The following HPSE2 variants were observed in gnomAD, a reference collection of about 807,000 sequenced individuals.
The protein encoded by HPSE2 is heparanase 2 (inactive), also known as inactive heparanase-2.
HPSE2 carries 38 observed loss-of-function variants against 60.5 expected under a neutral mutation model. The ratio of observed to expected loss-of-function variants is 0.63; its 90% CI spans 0.48 to 0.82. The LOEUF (loss-of-function observed/expected upper bound fraction) is 0.82, where lower values mean the gene tolerates loss of function less well. Among genes scored for constraint, HPSE2 ranks in the 40% least tolerant of loss-of-function variants. The probability of loss-of-function intolerance (pLI) is 0.00; values close to 1 mark genes in which losing one functional copy is unlikely to be tolerated. For missense variants in HPSE2, 713 were observed against 740.4 expected (o/e 0.96, Z 0.43); for synonymous variants, 295 against 293.2 (o/e 1.01, Z -0.06).
chr10:98,659,698 G>A (rs1012969735), intron 6 of HPSE2, among the ~76,000 whole-genome samples: 3 of 152,068 alleles, frequency 2.0e-5, no homozygotes, highest in African/African-American at 7.2e-5. Flanking sequence ...GAAACCACTG[G>A]GTAACAGTAA....
intron 3 of HPSE2, among the ~76,000 whole-genome samples, chr10:98,845,360 G>A (rs1431934571): frequency 6.6e-6 from 1 of 152,158 alleles, no homozygotes; most frequent in African/African-American, 2.4e-5. Flanking sequence ...TTTGTTACAG[G>A]TGGTTGGTAG....
chr10:98,797,247 CA>C lies in HPSE2; in HGVS notation c.611-53192del, dbSNP rs368836002. 4.5e-4 allele frequency among the ~76,000 whole-genome samples: 69 copies of C among 152,024 alleles called. 1 individual carries two copies. The East Asian group carries it at 5.8e-3, about 13-fold the overall frequency. ...AACTCGAAAGAAATTCAAGGTAACA[CA>C]GAGAAAGAATTCAGAATTTTATCAG... On this transcript the variant is annotated intron_variant, in intron 3 of 11. Transcript: ENST00000370552.
At chr10:98,833,638 G>A (rs1486898134) in intron 3 of HPSE2, among the ~76,000 whole-genome samples, 3 of 152,120 alleles carry the variant, frequency 2.0e-5, no homozygotes, top group African/African-American at 4.8e-5. Context: ...AGACACAGAT[G>A]TTATGCAAGT....
intron 3 of HPSE2, among the ~76,000 whole-genome samples, chr10:98,866,680 T>C (rs916581772): frequency 5.3e-5 from 8 of 152,122 alleles, no homozygotes; most frequent in East Asian, 1.9e-4. Flanking sequence ...CTGGAAACAA[T>C]GCAAGTGAGA....
At chr10:98,861,868 G>A (rs763931108) in intron 3 of HPSE2, among the ~76,000 whole-genome samples, 21 of 152,120 alleles carry the variant, frequency 1.4e-4, no homozygotes, top group Non-Finnish European at 2.9e-4. Flanking sequence ...GGTAAAGAAC[G>A]TGGCAACTGT....
chr10:98,860,757 A>G (rs1407136056), intron 3 of HPSE2, among the ~76,000 whole-genome samples: 2 of 152,166 alleles, frequency 1.3e-5, no homozygotes, highest in Non-Finnish European at 2.9e-5. Context: ...CCTAATTAAA[A>G]TGCCAATTTT....
chr10:98,936,435 C>T (rs1238938784), intron 3 of HPSE2, among the ~76,000 whole-genome samples: 1 of 143,234 alleles, frequency 7.0e-6, no homozygotes, highest in Admixed American at 7.0e-5. Context: ...TGTAGGCTCA[C>T]GAGGGAATCT....
intron 2 of HPSE2, among the ~76,000 whole-genome samples, chr10:99,194,713 A>G (rs1180012104): frequency 6.6e-6 from 1 of 152,114 alleles, no homozygotes; most frequent in East Asian, 1.9e-4. Context: ...AAACCTGAAC[A>G]GACCAATAAT....
intron 3 of HPSE2, among the ~76,000 whole-genome samples, chr10:98,744,560 CA>C (rs369385631): frequency 8.0e-5 from 12 of 150,060 alleles, no homozygotes; most frequent in African/African-American, 2.2e-4. Context: ...ACAAAACAAA[CA>C]AAAAAAAACA....
At chr10:98,515,608 A>T (rs554686599) in intron 9 of HPSE2, among the ~76,000 whole-genome samples, 37 of 152,344 alleles carry the variant, frequency 2.4e-4, no homozygotes, top group African/African-American at 8.9e-4. Context: ...AACCTGAAGG[A>T]TATACATATA....
intron 3 of HPSE2, among the ~76,000 whole-genome samples, chr10:99,080,379 T>C (rs1589623523): frequency 6.6e-6 from 1 of 152,110 alleles, no homozygotes; most frequent in African/African-American, 2.4e-5. Flanking sequence ...GGCTATGGCA[T>C]GTGGGGGAAA....
chr10:98,634,801 A>G (rs117755302), intron 7 of HPSE2, among the ~76,000 whole-genome samples: 1,894 of 152,306 alleles, frequency 0.012, 28 homozygotes, highest in Non-Finnish European at 0.019. Context: ...TGCTCATATG[A>G]CGAACCATAC....
intron 3 of HPSE2, among the ~76,000 whole-genome samples, chr10:98,750,377 G>T (rs540628089): frequency 1.3e-4 from 20 of 152,258 alleles, no homozygotes; most frequent in African/African-American, 4.6e-4. Context: ...TTTGGCTTTT[G>T]CCCTCATTGA....
At chr10:98,810,008 T>C (rs1951132433) in intron 3 of HPSE2, among the ~76,000 whole-genome samples, 1 of 152,160 alleles carries the variant, frequency 6.6e-6, no homozygotes, top group Admixed American at 6.6e-5. Context: ...TAATTTTTTG[T>C]AAAATCATGA....
At chr10:99,014,476 T>C (rs4442478) in intron 3 of HPSE2, among the ~76,000 whole-genome samples, 116,197 of 152,050 alleles carry the variant, frequency 0.76, 44,786 homozygotes, top group East Asian at 0.86. Context: ...TACTCAGTAA[T>C]GGGATTGCTG....
At chr10:98,868,081 ATAAATAAATAAATAAAT>A (rs1182802222) in intron 3 of HPSE2, among the ~76,000 whole-genome samples, 103 of 1,394 alleles carry the variant, frequency 0.074, 1 homozygote, top group African/African-American at 0.25. Flanking sequence ...AAGAAAGAAA[ATAAATAAATAAATAAAT>A]AAATAAATAA....
chr10:99,111,147 C>G (rs1156675633), intron 3 of HPSE2, among the ~76,000 whole-genome samples: 1 of 152,128 alleles, frequency 6.6e-6, no homozygotes, highest in Non-Finnish European at 1.5e-5. Flanking sequence ...TATTTCTGCG[C>G]TCTCTATTCT....
At chr10:98,462,367 C>T (rs1013440792) in intron 11 of HPSE2, among the ~76,000 whole-genome samples, 9 of 151,968 alleles carry the variant, frequency 5.9e-5, no homozygotes, top group South Asian at 2.1e-4. Context: ...TTAGTAGAGA[C>T]GGGGTTTCAC....
chr10:99,074,791 T>G (rs1330081631), intron 3 of HPSE2, among the ~76,000 whole-genome samples: 4 of 152,156 alleles, frequency 2.6e-5, no homozygotes, highest in Non-Finnish European at 5.9e-5. Context: ...TAGACTGATA[T>G]ATCTAAGAAT....
Sources: allele counts gnomAD v4.1 joint callset (sites outside exome capture counted in the v4.1 genomes callset), GRCh38; gene constraint gnomAD v4.1.1; transcripts MANE v1.5; gene names NCBI Gene and HGNC (gene_info 2026-07-23, HGNC 2026-07-21).